FSTL5: variants seen among roughly 807,000 people sequenced by gnomAD.
The protein encoded by FSTL5 is follistatin-related protein 5.
Under a neutral mutation model 89.1 loss-of-function variants are expected in FSTL5, and 62 were observed. The observed-to-expected ratio is 0.70, with a 90% CI of 0.57 to 0.86. The LOEUF (loss-of-function observed/expected upper bound fraction) is 0.86. FSTL5 is among the 40% of genes least tolerant of loss of function. FSTL5 has a pLI of 0.00. For missense variants in FSTL5, 1,057 were observed against 1,001.6 expected (o/e 1.06, Z -0.75); for synonymous variants, 383 against 346.2 (o/e 1.11, Z -1.18).
At chr4:162,088,532 T>C in intron 2 of FSTL5, among the ~76,000 whole-genome samples, 1 of 152,164 alleles carries the variant, frequency 6.6e-6, no homozygotes, top group South Asian at 2.1e-4. Context: ...ACTATTTTCA[T>C]GCATATTTGA....
At chr4:161,490,438 AC>A (rs1222196296) in intron 12 of FSTL5, among the ~76,000 whole-genome samples, 3 of 152,144 alleles carry the variant, frequency 2.0e-5, no homozygotes, top group Non-Finnish European at 4.4e-5. Flanking sequence ...CACTCTGCCT[AC>A]TAACTAAAAA....
chr4:161,909,446 T>C (rs1349837946), intron 4 of FSTL5, among the ~76,000 whole-genome samples: 9 of 152,142 alleles, frequency 5.9e-5, no homozygotes, highest in Admixed American at 4.6e-4. Context: ...TGGAAGTCTA[T>C]TGTCACTTTA....
In FSTL5 at chr4:161,625,264, G is replaced by T. The variant is rs184498413; in HGVS notation, c.894+31064C>A. On this transcript the variant is annotated intron_variant, in intron 7 of 15. Transcript: ENST00000306100. The stretch of plus-strand genomic sequence containing the variant: ...TATTGCAATTTTTACAAACGAAAAG[G>T]TTCTGGTAACTCAGCCTTGAGCAAG... Among the ~76,000 whole-genome samples the T allele has an allele frequency of 2.6e-5, 4 of 152,100 alleles. No homozygotes were observed. In the East Asian group the frequency reaches 7.7e-4, roughly 29 times the overall value.
intron 13 of FSTL5, among the ~76,000 whole-genome samples, chr4:161,473,544 T>A (rs570951415): frequency 2.0e-5 from 3 of 150,498 alleles, no homozygotes; most frequent in Admixed American, 1.3e-4. Context: ...CCCACATCAC[T>A]CAGCTTCCCA....
intron 3 of FSTL5, among the ~76,000 whole-genome samples, chr4:161,966,096 C>A (rs1025209315): frequency 2.0e-5 from 3 of 151,972 alleles, no homozygotes; most frequent in African/African-American, 7.3e-5. Context: ...AACTTGGCTG[C>A]AATGAAGTCG....
intron 4 of FSTL5, among the ~76,000 whole-genome samples, chr4:161,797,333 T>G (rs1729661987): frequency 6.6e-6 from 1 of 151,612 alleles, no homozygotes; most frequent in Admixed American, 6.6e-5. Context: ...ATATTAAGCA[T>G]GTTTCTCTCA....
intron 6 of FSTL5, among the ~76,000 whole-genome samples, chr4:161,725,427 T>C (rs1739363770): frequency 6.6e-6 from 1 of 152,036 alleles, no homozygotes; most frequent in Non-Finnish European, 1.5e-5. Context: ...GTCAATTTTT[T>C]AAAATAGTTA....
chr4:162,103,817 CCAAT>C (rs980951626), intron 2 of FSTL5, among the ~76,000 whole-genome samples: 1 of 152,196 alleles, frequency 6.6e-6, no homozygotes, highest in Non-Finnish European at 1.5e-5. Flanking sequence ...TCACACCCGA[CCAAT>C]CAGAGAGCTC....
At chr4:161,404,440 C>T (rs1731287409) in intron 15 of FSTL5, among the ~76,000 whole-genome samples, 1 of 152,112 alleles carries the variant, frequency 6.6e-6, no homozygotes, top group Admixed American at 6.5e-5. Context: ...CTCCCAATAT[C>T]CTGTAGACTC....
intron 7 of FSTL5, among the ~76,000 whole-genome samples, chr4:161,605,481 A>G (rs529565319): frequency 6.6e-6 from 1 of 152,330 alleles, no homozygotes; most frequent in South Asian, 2.1e-4. Flanking sequence ...AAGCTTTCAA[A>G]ATACTTTTTT....
intron 3 of FSTL5, among the ~76,000 whole-genome samples, chr4:161,969,705 C>A (rs930203770): frequency 1.3e-5 from 2 of 151,884 alleles, no homozygotes; most frequent in Admixed American, 1.3e-4. Flanking sequence ...ATCAAACCTG[C>A]TAATATAGAT....
At chr4:161,992,922 ATATG>A (rs1736170843) in intron 3 of FSTL5, among the ~76,000 whole-genome samples, 1 of 11,332 alleles carries the variant, frequency 8.8e-5, no homozygotes, top group African/African-American at 1.8e-4. Flanking sequence ...ATATATATAT[ATATG>A]TGTGTATATA....
At chr4:161,793,208 T>C (rs1452241198) in intron 4 of FSTL5, among the ~76,000 whole-genome samples, 1 of 152,196 alleles carries the variant, frequency 6.6e-6, no homozygotes, top group Non-Finnish European at 1.5e-5. Context: ...GGCCAGACCC[T>C]GTGCTCATTC....
At chr4:161,819,058 CTAAT>C (rs1442197146) in intron 4 of FSTL5, among the ~76,000 whole-genome samples, 4 of 152,080 alleles carry the variant, frequency 2.6e-5, no homozygotes, top group South Asian at 2.1e-4. Context: ...AAAAGTAGTG[CTAAT>C]TAAACATTCT....
chr4:162,143,667 A>G (rs1732838554), intron 1 of FSTL5, among the ~76,000 whole-genome samples: 1 of 151,874 alleles, frequency 6.6e-6, no homozygotes, highest in African/African-American at 2.4e-5. Flanking sequence ...TAAAACACTA[A>G]GGCTTAGAAT....
intron 3 of FSTL5, among the ~76,000 whole-genome samples, chr4:161,950,467 G>A (rs1032419885): frequency 4.6e-5 from 7 of 152,034 alleles, no homozygotes; most frequent in African/African-American, 1.4e-4. Flanking sequence ...CTTCCCATCC[G>A]CCCATATCCT....
At chr4:161,479,059 AATT>A (rs1010659693) in intron 13 of FSTL5, among the ~76,000 whole-genome samples, 6 of 152,060 alleles carry the variant, frequency 3.9e-5, no homozygotes, top group African/African-American at 1.2e-4. Context: ...TAATACAAAT[AATT>A]ATTATTATAA....
intron 15 of FSTL5, among the ~76,000 whole-genome samples, chr4:161,388,662 C>T (rs10213523): frequency 0.71 from 107,997 of 151,928 alleles, 38,546 homozygotes; most frequent in South Asian, 0.83. Context: ...GAAAAATATC[C>T]TTCTGTTATA....
intron 3 of FSTL5, among the ~76,000 whole-genome samples, chr4:162,014,410 C>T (rs1433902540): frequency 1.3e-5 from 2 of 152,158 alleles, no homozygotes; most frequent in Non-Finnish European, 1.5e-5. Flanking sequence ...TCAAATTCCA[C>T]TTTGCATTCA....
Sources: gnomAD v4.1 joint callset for allele counts (sites outside exome capture counted in the v4.1 genomes callset) on GRCh38, gnomAD v4.1.1 for gene constraint, MANE v1.5 for transcripts, NCBI Gene and HGNC (gene_info 2026-07-23, HGNC 2026-07-21) for gene names.